ATP10B: variants seen among roughly 807,000 people sequenced by gnomAD.
The protein encoded by ATP10B is phospholipid-transporting ATPase VB.
Under a neutral mutation model 141.2 loss-of-function variants are expected in ATP10B, and 122 were observed. The observed-to-expected ratio is 0.86, with a 90% CI of 0.75 to 1.00. ATP10B has a LOEUF of 1.00. ATP10B is among the 50% of genes least tolerant of loss of function. ATP10B has a pLI of 0.00. For missense variants in ATP10B, 1,876 were observed against 1,825.3 expected, an observed-to-expected ratio of 1.03 and a Z score of -0.51; for synonymous variants, 685 against 692.0, an observed-to-expected ratio of 0.99 and a Z score of 0.16.
chr5:160,839,347 C>T (rs368235613), intron 1 of ATP10B, among the ~76,000 whole-genome samples: 3 of 152,128 alleles, frequency 2.0e-5, no homozygotes, highest in African/African-American at 7.2e-5. Context: ...CAGAAAAAAA[C>T]CCTTCAGATA....
At chr5:160,638,991 G>A (rs1759629631) in intron 10 of ATP10B, 1 of 152,404 alleles carries the variant, frequency 6.6e-6, no homozygotes, top group African/African-American at 2.4e-5. Context: ...GCCACAGACT[G>A]GCTCAGCTTT....
At chr5:160,923,253 C>T in the ATP10B span, among the ~76,000 whole-genome samples, 24 of 152,308 alleles carry the variant, frequency 1.6e-4, no homozygotes, top group East Asian at 4.1e-3. Flanking sequence ...TGTGCATGAT[C>T]TTGTGGTGGA....
intron 2 of ATP10B, among the ~76,000 whole-genome samples, chr5:160,759,312 C>T (rs1208212684): frequency 6.6e-6 from 1 of 152,126 alleles, no homozygotes; most frequent in Non-Finnish European, 1.5e-5. Context: ...TTCAAAGCCT[C>T]TTCTGGAATG....
At chr5:160,919,696 G>A in the ATP10B span, among the ~76,000 whole-genome samples, 1 of 152,132 alleles carries the variant, frequency 6.6e-6, no homozygotes, top group Non-Finnish European at 1.5e-5. Context: ...TCATGTCAAT[G>A]GAAGGGAACC....
At chr5:160,837,183 C>A (rs950068833) in intron 1 of ATP10B, among the ~76,000 whole-genome samples, 1 of 152,160 alleles carries the variant, frequency 6.6e-6, no homozygotes, top group African/African-American at 2.4e-5. Context: ...GTTTATGGTG[C>A]TTTTTTTCCC....
intron 24 of ATP10B, among the ~76,000 whole-genome samples, chr5:160,575,880 G>C (rs1444462228): frequency 2.0e-5 from 3 of 152,128 alleles, no homozygotes; most frequent in Non-Finnish European, 4.4e-5. Context: ...CTGGATGCAG[G>C]CACTCAGCAA....
At chr5:160,817,826 G>A (rs998597809) in intron 1 of ATP10B, among the ~76,000 whole-genome samples, 6 of 152,114 alleles carry the variant, frequency 3.9e-5, no homozygotes, top group African/African-American at 1.2e-4. Flanking sequence ...ACAGAACAGA[G>A]CCCTCAGAAA....
chr5:160,628,680 G>C (rs772273375), intron 13 of ATP10B, among the ~76,000 whole-genome samples: 5 of 152,124 alleles, frequency 3.3e-5, no homozygotes, highest in African/African-American at 7.2e-5. Context: ...TTATGATTAG[G>C]AAGATATTCT....
At chr5:160,574,050 C>T (rs1049238074) in intron 24 of ATP10B, among the ~76,000 whole-genome samples, 7 of 152,188 alleles carry the variant, frequency 4.6e-5, no homozygotes, top group African/African-American at 1.7e-4. Flanking sequence ...AGTTTATGAT[C>T]TACTAACAGG....
intron 18 of ATP10B, among the ~76,000 whole-genome samples, chr5:160,607,977 G>A (rs760141562): frequency 1.3e-5 from 2 of 152,044 alleles, no homozygotes; most frequent in Non-Finnish European, 2.9e-5. Context: ...TGTGCACAAC[G>A]TGCAGGTTTG....
At chr5:160,660,302 G>A (rs1417451572) in intron 7 of ATP10B, among the ~76,000 whole-genome samples, 2 of 152,144 alleles carry the variant, frequency 1.3e-5, no homozygotes, top group Admixed American at 1.3e-4. Context: ...ATCTACCAAA[G>A]ACCACTAACG....
At chr5:160,921,035 CA>C in the ATP10B span, among the ~76,000 whole-genome samples, 4 of 152,070 alleles carry the variant, frequency 2.6e-5, no homozygotes, top group Admixed American at 2.6e-4. Context: ...AAGCAGTGAA[CA>C]AAGACACGAC....
intron 2 of ATP10B, among the ~76,000 whole-genome samples, chr5:160,722,585 A>AG (rs1300411042): frequency 6.6e-6 from 1 of 152,186 alleles, no homozygotes; most frequent in Non-Finnish European, 1.5e-5. Flanking sequence ...TAAAAAAAAA[A>AG]TAAGGCACAG....
the ATP10B span, among the ~76,000 whole-genome samples, chr5:160,908,906 T>A: frequency 6.6e-6 from 1 of 152,190 alleles, no homozygotes; most frequent in African/African-American, 2.4e-5. Context: ...GTCCTCCAAG[T>A]TCTGACCCTA....
At chr5:160,649,315 T>C (rs1760535761) in intron 7 of ATP10B, 59 bp from the exon 8 acceptor site, 2 of 1,214,540 alleles carry the variant, frequency 1.6e-6, no homozygotes, top group South Asian at 2.5e-5. Context: ...TTTAATAGGA[T>C]CACTGGGAGA....
chr5:160,638,978 C>T (rs948336565), intron 10 of ATP10B, among the ~76,000 whole-genome samples: 8 of 152,218 alleles, frequency 5.3e-5, no homozygotes, highest in Admixed American at 1.3e-4. Flanking sequence ...TCACTCAGCT[C>T]GGGCCACAGA....
chr5:160,757,923 C>T (rs1768749542), intron 2 of ATP10B, among the ~76,000 whole-genome samples: 1 of 152,130 alleles, frequency 6.6e-6, no homozygotes, highest in African/African-American at 2.4e-5. Context: ...ATGCCAGTAG[C>T]ACCCCGACTC....
At chr5:160,669,768 T>C (rs1398807071) in intron 7 of ATP10B, among the ~76,000 whole-genome samples, 2 of 151,504 alleles carry the variant, frequency 1.3e-5, no homozygotes, top group Admixed American at 6.6e-5. Context: ...GGGCTGGCTA[T>C]TTTTTAAATT....
chr5:160,835,497 G>A (rs1775366668), intron 1 of ATP10B, among the ~76,000 whole-genome samples: 1 of 152,104 alleles, frequency 6.6e-6, no homozygotes, highest in Non-Finnish European at 1.5e-5. Flanking sequence ...CCTGCATTGG[G>A]AATAAGCTCA....
Sources: gnomAD v4.1 joint callset for allele counts (sites outside exome capture counted in the v4.1 genomes callset) on GRCh38, gnomAD v4.1.1 for gene constraint, MANE v1.5 for transcripts, NCBI Gene and HGNC (gene_info 2026-07-23, HGNC 2026-07-21) for gene names.